The following CMYA5 variants were observed in gnomAD, a reference collection of about 807,000 sequenced individuals.
The protein encoded by CMYA5 is cardiomyopathy associated 5.
Under a neutral mutation model 318.9 loss-of-function variants are expected in CMYA5, and 246 were observed. That is an observed-to-expected ratio of 0.77 (90% CI 0.70 to 0.86). The LOEUF is 0.86. CMYA5 is among the 40% of genes least tolerant of loss of function. The probability of loss-of-function intolerance (pLI) is 0.00; values close to 1 mark genes in which losing one functional copy is unlikely to be tolerated. For missense variants in CMYA5, 4,589 were observed against 4,678.2 expected (o/e 0.98, Z 0.56); for synonymous variants, 1,641 against 1,729.5 (o/e 0.95, Z 1.27).
chr5:79,723,946 T>C (rs1446941139), intron 1 of CMYA5, among the ~76,000 whole-genome samples: 2 of 152,118 alleles, frequency 1.3e-5, no homozygotes, highest in Non-Finnish European at 2.9e-5. Flanking sequence ...TGGTTTGTTA[T>C]TTGGATATCA....
Position 79,785,037 on chromosome 5 carries a change from A to G in CMYA5, c.11556-3934A>G, listed in dbSNP as rs59221545. On this transcript the variant is annotated intron_variant, in intron 9 of 12. Transcript: ENST00000446378. ...ATCCTACTTTTTTTTTTTTTTTAGTATGGCTATCTAGCTGTCCCATCAGGA... is the reference window on the plus strand; with the variant it reads ...ATCCTACTTTTTTTTTTTTTTTAGTGTGGCTATCTAGCTGTCCCATCAGGA... Among the ~76,000 whole-genome samples the G allele has an allele frequency of 2.0e-3, 289 of 146,918 alleles. 2 individuals carry two copies. Among genetic ancestry groups the G allele is most frequent in the African/African-American group, 6.6e-3 (265 of 39,920 alleles).
chr5:79,786,647 G>T (rs1366538763), intron 9 of CMYA5, among the ~76,000 whole-genome samples: 6 of 152,170 alleles, frequency 3.9e-5, no homozygotes, highest in Non-Finnish European at 8.8e-5. Flanking sequence ...CTCTGGAAGA[G>T]TGCTACTCTT....
rs1246163836 is a variant in CMYA5, at chr5:79,733,403, A to G, written c.4638A>G (p.Ser1546=). 2 of 1,613,582 alleles carry G rather than the reference A, an allele frequency of 1.2e-6. No individual in the cohort carries two copies. Among genetic ancestry groups the G allele is most frequent in the Non-Finnish European group, 1.7e-6 (2 of 1,179,854 alleles). ...EIKKKETELP[S]SQNVSPASKH... ...AGAAGAAAGAAACTGAACTTCCTTCATCACAAAATGTGTCACCTGCATCCA... is the reference window on the plus strand; with the variant it reads ...AGAAGAAAGAAACTGAACTTCCTTCGTCACAAAATGTGTCACCTGCATCCA... The change falls in exon 2 of 13, where the codon TCA becomes TCG. Residue 1546 remains serine (S), a synonymous_variant. Transcript: ENST00000446378.
chr5:79,701,447 G>C (rs370280813), intron 1 of CMYA5, among the ~76,000 whole-genome samples: 1 of 152,124 alleles, frequency 6.6e-6, no homozygotes, highest in African/African-American at 2.4e-5. Flanking sequence ...TGTCTCAAAT[G>C]ATCACATGTA....
intron 1 of CMYA5, among the ~76,000 whole-genome samples, chr5:79,723,675 T>C (rs925379228): frequency 2.7e-5 from 4 of 150,700 alleles, no homozygotes; most frequent in Admixed American, 6.6e-5. Context: ...GGAGAGAGGA[T>C]TGCTTGAGTC....
In CMYA5 at chr5:79,731,850, G is replaced by A; in HGVS notation, c.3085G>A (p.Ala1029Thr). The A allele has an allele frequency of 6.2e-7, 1 of 1,613,426 alleles. No individual in the cohort carries two copies. The highest frequency in any genetic ancestry group is 2.2e-5 in the East Asian group (1 of 44,870). The change falls in exon 2 of 13, where the codon GCA becomes ACA. Residue 1029 changes from alanine (A) to threonine (T), a missense_variant. Physicochemically the swap from Ala to Thr is moderately conservative, Grantham distance 58. Coordinates refer to ENST00000446378, the MANE Select transcript of CMYA5 (RefSeq NM_153610.5). ...NELEPDSLLT[A>T]VSASGYSCFS... is the part of the protein sequence containing the mutation. ...ACTTGAGCCTGATTCACTATTAACT[G>A]CAGTGTCTGCTTCAGGTTATTCCTG...
intron 10 of CMYA5, among the ~76,000 whole-genome samples, chr5:79,790,656 C>G (rs75513940): frequency 6.6e-6 from 1 of 152,178 alleles, no homozygotes; most frequent in South Asian, 2.1e-4. Flanking sequence ...CGGTGGGGTC[C>G]GAGAGTCTGA....
chr5:79,719,939 A>G (rs1394202055), intron 1 of CMYA5, among the ~76,000 whole-genome samples: 2 of 152,252 alleles, frequency 1.3e-5, no homozygotes, highest in African/African-American at 2.4e-5. Flanking sequence ...GAAAAATACA[A>G]TAATAAAAAA....
At position 79,732,293 on chromosome 5, in the gene CMYA5, A is replaced by G; in HGVS notation, c.3528A>G (p.Ser1176=). ...PASPHSVLPD[S]VPAIKKEQEP... is the part of the protein sequence containing the mutation. ...CTCCACATTCAGTTTTACCTGATTC[A>G]GTCCCTGCAATCAAGAAAGAACAGG... The change falls in exon 2 of 13, where the codon TCA becomes TCG. Residue 1176 remains serine (S), a synonymous_variant. Transcript: ENST00000446378. 1.2e-6 allele frequency: 2 copies of G among 1,613,902 alleles called. No individual in the cohort carries two copies. The highest frequency in any genetic ancestry group is 1.7e-6 in the Non-Finnish European group (2 of 1,179,854).
intron 1 of CMYA5, among the ~76,000 whole-genome samples, chr5:79,726,908 G>GTTTTTTTTTTT (rs1561203799): frequency 1.9e-5 from 2 of 104,868 alleles, no homozygotes; most frequent in East Asian, 3.7e-4. Flanking sequence ...TTAGGCCAGT[G>GTTTTTTTTTTT]ATTTTTTTTT....
At chr5:79,790,486 G>A (rs1256598643) in intron 10 of CMYA5, among the ~76,000 whole-genome samples, 2 of 152,130 alleles carry the variant, frequency 1.3e-5, no homozygotes, top group Non-Finnish European at 2.9e-5. Context: ...GGCCAGGCTG[G>A]TCTCGAGCTC....
intron 1 of CMYA5, among the ~76,000 whole-genome samples, chr5:79,706,754 C>T (rs1474335249): frequency 6.6e-6 from 1 of 152,222 alleles, no homozygotes; most frequent in East Asian, 1.9e-4. Flanking sequence ...GCTGTTGGCT[C>T]ATTCTGGCAG....
intron 9 of CMYA5, among the ~76,000 whole-genome samples, chr5:79,787,864 G>A (rs1166582961): frequency 6.6e-6 from 1 of 151,980 alleles, no homozygotes; most frequent in South Asian, 2.1e-4. Context: ...TCGTTTTTCT[G>A]GTTCTCCATG....
In CMYA5 at chr5:79,730,879, T is replaced by C. The variant is rs1222979969; in HGVS notation, c.2114T>C (p.Leu705Pro). 6.2e-7 allele frequency: 1 copy of C among 1,613,938 alleles called. No individual in the cohort carries two copies. The highest frequency in any genetic ancestry group is 8.5e-7 in the Non-Finnish European group (1 of 1,179,872). The change falls in exon 2 of 13, where the codon CTG becomes CCG. Residue 705 changes from leucine to proline, a missense_variant. By Grantham distance (98) the Leu-to-Pro change is moderately conservative. Transcript: ENST00000446378. ...GCTTCTGAATATTCAGTTCCATCAC[T>C]GGCAACAAAAGAGTCACTGAAGAAA... The part of the protein sequence containing the change: ...TSASEYSVPS[L>P]ATKESLKKTI...
Position 79,733,983 on chromosome 5 carries a change from G to T in CMYA5, c.5218G>T (p.Glu1740Ter). The T allele has an allele frequency of 6.2e-7, 1 of 1,613,580 alleles. No individual in the cohort carries two copies. The highest frequency in any genetic ancestry group is 8.5e-7 in the Non-Finnish European group (1 of 1,179,820). ...TGTAGCTGAAGGAGGCAACCCAGAA[G>T]AATTTCAGCCATTTACTTTTTCTTT... ...ASVAEGGNPE[E>*]FQPFTFSLKG... Residue 1740 changes from glutamate (E) to a stop codon, truncating the protein, a stop_gained, in exon 2 of 13, where the codon GAA becomes TAA. Transcript: ENST00000446378. LOFTEE classifies it high-confidence loss of function.
chr5:79,770,778 A>G (rs1028791543), intron 9 of CMYA5, among the ~76,000 whole-genome samples: 4 of 152,152 alleles, frequency 2.6e-5, no homozygotes, highest in Non-Finnish European at 4.4e-5. Context: ...GCTCTTGTTT[A>G]TCTTCATGAT....
At chr5:79,720,428 ATTTTTTTTTTT>A (rs1159659122) in intron 1 of CMYA5, among the ~76,000 whole-genome samples, 2 of 44,850 alleles carry the variant, frequency 4.5e-5, no homozygotes, top group South Asian at 6.3e-4. Flanking sequence ...TGCCAATCTA[ATTTTTTTTTTT>A]TTTTTTTTTT....
Position 79,761,920 on chromosome 5 carries a change from A to T in CMYA5, c.11370A>T (p.Gly3790=), listed in dbSNP as rs769119981. The T allele has an allele frequency of 3.7e-6, 6 of 1,613,720 alleles. No homozygotes were observed. In the Admixed American group the frequency reaches 8.3e-5, roughly 22 times the overall value. The change falls in exon 8 of 13, where the codon GGA becomes GGT. Residue 3790 remains glycine (G), a synonymous_variant. Transcript: ENST00000446378. The stretch of plus-strand genomic sequence containing the variant: ...GGGTGATGGCTGTGAACTTCACTGG[A>T]TGTAGCCTGCCCAGTGAAAGGGCCA... The part of the protein sequence containing the change: ...QVWVMAVNFT[G]CSLPSERAIF...
In CMYA5 at chr5:79,737,593, C is replaced by A. The variant is rs1828106683; in HGVS notation, c.8828C>A (p.Ala2943Asp). The A allele has an allele frequency of 1.2e-6, 2 of 1,613,636 alleles. No homozygotes were observed. Among genetic ancestry groups the A allele is most frequent in the Non-Finnish European group, 1.7e-6 (2 of 1,179,794 alleles). ...GGACTTTCAGAAGATCAGAAGACTG[C>A]CTTTAGTATCATTTCTGAAGGCTGT... ...PAGLSEDQKTAFSIISEGCEI... is the reference protein window; with the variant it reads ...PAGLSEDQKTDFSIISEGCEI... The change falls in exon 2 of 13, where the codon GCC (alanine) becomes GAC (aspartate). Residue 2943 changes from alanine to aspartate, a missense_variant. Transcript: ENST00000446378.
Sources: gnomAD v4.1 joint callset for allele counts (sites outside exome capture counted in the v4.1 genomes callset) on GRCh38, gnomAD v4.1.1 for gene constraint, MANE v1.5 for transcripts, NCBI Gene and HGNC (gene_info 2026-07-23, HGNC 2026-07-21) for gene names.